Variants in ARHGAP15 observed in about 807,000 individuals in gnomAD.
ARHGAP15 encodes Rho GTPase activating protein 15.
In ARHGAP15, 51 loss-of-function variants were observed where a neutral mutation model predicts 63.7. That is an observed-to-expected ratio of 0.80 (90% CI 0.64 to 1.01). The LOEUF (loss-of-function observed/expected upper bound fraction) is 1.01. Among genes scored for constraint, ARHGAP15 ranks in the 50% least tolerant of loss-of-function variants. The probability of loss-of-function intolerance (pLI) is 0.00; values close to 1 mark genes in which losing one functional copy is unlikely to be tolerated. For missense variants in ARHGAP15, 560 were observed against 564.6 expected, an observed-to-expected ratio of 0.99 and a Z score of 0.08; for synonymous variants, 191 against 193.8, an observed-to-expected ratio of 0.99 and a Z score of 0.12.
intron 6 of ARHGAP15, among the ~76,000 whole-genome samples, chr2:143,341,240 C>G (rs1685045751): frequency 6.6e-6 from 1 of 152,016 alleles, no homozygotes; most frequent in African/African-American, 2.4e-5. Flanking sequence ...CTTTCGTATT[C>G]ATTATCTTAG....
intron 2 of ARHGAP15, among the ~76,000 whole-genome samples, chr2:143,178,817 T>C (rs1277325591): frequency 3.3e-5 from 5 of 152,234 alleles, no homozygotes; most frequent in Admixed American, 3.3e-4. Flanking sequence ...ACATGCTTCA[T>C]ACATTTTGAG....
intron 12 of ARHGAP15, among the ~76,000 whole-genome samples, chr2:143,673,722 T>TTGTGTGTGTGTGTGTGTGTGTG: frequency 1.8e-5 from 1 of 54,666 alleles, no homozygotes; most frequent in South Asian, 9.1e-4. Flanking sequence ...AGGCCTTATA[T>TTGTGTGTGTGTGTGTGTGTGTG]TGTGTGTGTG....
intron 1 of ARHGAP15, among the ~76,000 whole-genome samples, chr2:143,135,079 A>G (rs16858613): frequency 6.2e-4 from 94 of 152,366 alleles, no homozygotes; most frequent in Middle Eastern, 3.4e-3. Context: ...ACAGATGGGT[A>G]TAATCACTGG....
chr2:143,132,227 C>T (rs1345681424), intron 1 of ARHGAP15, among the ~76,000 whole-genome samples: 1 of 152,098 alleles, frequency 6.6e-6, no homozygotes, highest in South Asian at 2.1e-4. Flanking sequence ...TTAGAGTGTG[C>T]AAAACTTCTT....
At position 143,745,347 on chromosome 2, in the gene ARHGAP15, A is replaced by G. The variant is rs149526933; in HGVS notation, c.1245-22642A>G. Reference sequence around the variant, plus strand: ...CTTCACCTTCAGGGTCCTTTCTCACAGAGCAGGCAGCCACCATCAGCCAGG... The same window carrying G: ...CTTCACCTTCAGGGTCCTTTCTCACGGAGCAGGCAGCCACCATCAGCCAGG... On this transcript the variant is annotated intron_variant, in intron 13 of 13. Coordinates refer to ENST00000295095, the MANE Select transcript of ARHGAP15 (RefSeq NM_018460.4). Among the ~76,000 whole-genome samples, 13 of 152,330 alleles carry G rather than the reference A, an allele frequency of 8.5e-5. No homozygotes were observed. In the East Asian group the frequency reaches 2.5e-3, roughly 29 times the overall value.
At chr2:143,418,448 C>T (rs1688777319) in intron 6 of ARHGAP15, among the ~76,000 whole-genome samples, 1 of 152,134 alleles carries the variant, frequency 6.6e-6, no homozygotes, top group African/African-American at 2.4e-5. Context: ...AATAGTGAGA[C>T]ATACTTTCTT....
chr2:143,437,136 A>T, intron 8 of ARHGAP15, 94 bp downstream of exon 8: 6 of 1,361,586 alleles, frequency 4.4e-6, no homozygotes, highest in Non-Finnish European at 5.9e-6. Flanking sequence ...AGCCAAACTC[A>T]TCATACTCAT....
At chr2:143,138,436 C>A (rs746888642) in intron 1 of ARHGAP15, among the ~76,000 whole-genome samples, 1 of 152,068 alleles carries the variant, frequency 6.6e-6, no homozygotes, top group Non-Finnish European at 1.5e-5. Context: ...GAACTTTATT[C>A]ATGAGGCCCT....
intron 1 of ARHGAP15, among the ~76,000 whole-genome samples, chr2:143,132,288 A>G (rs1688944021): frequency 6.6e-6 from 1 of 152,234 alleles, no homozygotes; most frequent in Non-Finnish European, 1.5e-5. Flanking sequence ...CAAAAGAGAT[A>G]TTCTTTTATG....
rs71404467 is a variant in ARHGAP15 at position 143,212,139 on chromosome 2, TA to T, written c.235-4236del. On this transcript the variant is annotated intron_variant, in intron 3 of 13. Coordinates refer to ENST00000295095, the MANE Select transcript of ARHGAP15 (RefSeq NM_018460.4). Reference sequence around the variant, plus strand: ...CTGAGAACAACATGAAGCCTTCTCATAAAAAAAAATGCAGTGTGTGTATGTA... The same window carrying T: ...CTGAGAACAACATGAAGCCTTCTCATAAAAAAAATGCAGTGTGTGTATGTA... Among the ~76,000 whole-genome samples, 131 of 151,570 alleles carry T rather than the reference TA, an allele frequency of 8.6e-4. 1 individual carries two copies. The highest frequency in any genetic ancestry group is 3.0e-3 in the African/African-American group (123 of 41,318).
chr2:143,192,691 C>T (rs1691728397), intron 2 of ARHGAP15, among the ~76,000 whole-genome samples: 1 of 152,216 alleles, frequency 6.6e-6, no homozygotes, highest in African/African-American at 2.4e-5. Context: ...GACCTCCAGT[C>T]AGGGTTATTT....
At chr2:143,664,427 G>C (rs1682032361) in intron 12 of ARHGAP15, among the ~76,000 whole-genome samples, 1 of 151,830 alleles carries the variant, frequency 6.6e-6, no homozygotes, top group Admixed American at 6.6e-5. Flanking sequence ...AGTGTGTAGA[G>C]GGAAATTTAT....
At chr2:143,743,251 A>G (rs1686029198) in intron 13 of ARHGAP15, among the ~76,000 whole-genome samples, 1 of 152,176 alleles carries the variant, frequency 6.6e-6, no homozygotes, top group Admixed American at 6.5e-5. Context: ...TAAAATGGGA[A>G]TAATAGTACC....
intron 10 of ARHGAP15, among the ~76,000 whole-genome samples, chr2:143,527,807 C>T (rs1260376541): frequency 6.6e-6 from 1 of 151,974 alleles, no homozygotes; most frequent in Non-Finnish European, 1.5e-5. Flanking sequence ...TTCAACATTG[C>T]TGAAATCCTC....
chr2:143,627,471 T>C (rs977862792), intron 12 of ARHGAP15, among the ~76,000 whole-genome samples: 8 of 152,178 alleles, frequency 5.3e-5, no homozygotes, highest in Non-Finnish European at 8.8e-5. Flanking sequence ...TCCTTGGCAA[T>C]GGTAAAAACC....
chr2:143,579,763 A>AT (rs1696818510), intron 11 of ARHGAP15, among the ~76,000 whole-genome samples: 1 of 151,908 alleles, frequency 6.6e-6, no homozygotes, highest in Non-Finnish European at 1.5e-5. Context: ...ATTAATAAAT[A>AT]TTTGGGGGGT....
chr2:143,437,551 A>G (rs941869501), intron 8 of ARHGAP15, among the ~76,000 whole-genome samples: 4 of 152,240 alleles, frequency 2.6e-5, no homozygotes, highest in Non-Finnish European at 4.4e-5. Context: ...GGTCACACCT[A>G]GTTCTAATAT....
chr2:143,763,018 T>C (rs1280811472), intron 13 of ARHGAP15, among the ~76,000 whole-genome samples: 1 of 152,156 alleles, frequency 6.6e-6, no homozygotes, highest in Non-Finnish European at 1.5e-5. Context: ...AATTGAGTTA[T>C]ATTATTCCAT....
intron 13 of ARHGAP15, among the ~76,000 whole-genome samples, chr2:143,731,759 A>G (rs1685547500): frequency 6.6e-6 from 1 of 152,242 alleles, no homozygotes; most frequent in Non-Finnish European, 1.5e-5. Context: ...CTTGCAGAAT[A>G]GCACGAATAG....
Sources: gnomAD v4.1 joint callset for allele counts (sites outside exome capture counted in the v4.1 genomes callset) on GRCh38, gnomAD v4.1.1 for gene constraint, MANE v1.5 for transcripts, NCBI Gene and HGNC (gene_info 2026-07-23, HGNC 2026-07-21) for gene names.